IKZF2: variants seen among roughly 807,000 people sequenced by gnomAD.
IKZF2 encodes the protein zinc finger protein Helios.
In IKZF2, 15 loss-of-function variants were observed where a neutral mutation model predicts 49.2. The observed-to-expected ratio is 0.30, with a 90% CI of 0.20 to 0.47. The LOEUF is 0.47. Ranked by LOEUF, IKZF2 falls within the 20% of genes least tolerant of loss-of-function variation. The probability of loss-of-function intolerance (pLI) is 1.00; values close to 1 mark genes in which losing one functional copy is unlikely to be tolerated. For synonymous variants in IKZF2, 227 were observed against 221.4 expected (o/e 1.03, Z -0.23); for missense variants, 567 against 664.6 (o/e 0.85, Z 1.61).
chr2:213,035,440 C>T (rs1028660935), intron 6 of IKZF2, among the ~76,000 whole-genome samples: 1 of 152,114 alleles, frequency 6.6e-6, no homozygotes, highest in Non-Finnish European at 1.5e-5. Context: ...TAAACACCAA[C>T]ATAACCACAG....
intron 6 of IKZF2, among the ~76,000 whole-genome samples, chr2:213,044,807 A>G (rs765380931): frequency 3.3e-5 from 5 of 152,204 alleles, no homozygotes; most frequent in Admixed American, 6.5e-5. Context: ...GACCAACTCC[A>G]GAATCTGATT....
chr2:213,130,292 G>A (rs1295665768), intron 4 of IKZF2, among the ~76,000 whole-genome samples: 1 of 152,132 alleles, frequency 6.6e-6, no homozygotes, highest in Non-Finnish European at 1.5e-5. Context: ...TCACAGGCAG[G>A]AAAGAAGTCA....
At position 213,016,087 on chromosome 2, in the gene IKZF2, C is replaced by G. The variant is rs148567044; in HGVS notation, c.713-2153G>C. Among the ~76,000 whole-genome samples the G allele has an allele frequency of 3.2e-4, 48 of 152,134 alleles. 1 individual carries two copies. Among genetic ancestry groups the G allele is most frequent in the African/African-American group, 1.1e-3 (45 of 41,520 alleles). ...GATCTAATTTCTACTTTACAATAGC[C>G]CTTTTCATGTCAAAAATTGATCTTG... On this transcript the variant is annotated intron_variant, in intron 7 of 8. Coordinates refer to ENST00000434687, the MANE Select transcript of IKZF2 (RefSeq NM_001387220.1).
intron 4 of IKZF2, among the ~76,000 whole-genome samples, chr2:213,096,381 C>G (rs1337397593): frequency 6.6e-6 from 1 of 151,776 alleles, no homozygotes; most frequent in Non-Finnish European, 1.5e-5. Flanking sequence ...ATATTTAAAC[C>G]AGTACCTAAA....
intron 7 of IKZF2, among the ~76,000 whole-genome samples, chr2:213,020,888 T>C (rs1269675208): frequency 6.6e-6 from 1 of 152,114 alleles, no homozygotes; most frequent in African/African-American, 2.4e-5. Flanking sequence ...AACTATACCA[T>C]TTAATACTGG....
At chr2:213,144,231 T>C (rs2060969310) in intron 4 of IKZF2, among the ~76,000 whole-genome samples, 1 of 151,966 alleles carries the variant, frequency 6.6e-6, no homozygotes, top group Admixed American at 6.6e-5. Flanking sequence ...GCCATCAGAC[T>C]GATAAATAGC....
chr2:213,018,471 C>T (rs1696848962), intron 7 of IKZF2, among the ~76,000 whole-genome samples: 1 of 152,062 alleles, frequency 6.6e-6, no homozygotes, highest in East Asian at 1.9e-4. Flanking sequence ...TCTGCAGTTG[C>T]CTCTTCATCT....
intron 6 of IKZF2, among the ~76,000 whole-genome samples, chr2:213,023,275 T>G (rs1248444366): frequency 6.6e-6 from 1 of 152,188 alleles, no homozygotes; most frequent in African/African-American, 2.4e-5. Flanking sequence ...ACTGAAATAC[T>G]ATAACAAGGC....
chr2:213,105,830 C>G (rs185925893), intron 4 of IKZF2, among the ~76,000 whole-genome samples: 66 of 152,280 alleles, frequency 4.3e-4, no homozygotes, highest in Non-Finnish European at 7.8e-4. Flanking sequence ...ATGCTGTGCT[C>G]TAGCTCAATG....
intron 4 of IKZF2, among the ~76,000 whole-genome samples, chr2:213,118,296 T>C (rs1236576328): frequency 6.6e-6 from 1 of 152,220 alleles, no homozygotes; most frequent in Admixed American, 6.5e-5. Context: ...TTCTTTTCCA[T>C]GGCAGAGGTT....
intron 7 of IKZF2, 150 bp from the exon 8 acceptor site, chr2:213,014,084 A>C: frequency 1.6e-6 from 1 of 626,028 alleles, no homozygotes; most frequent in Non-Finnish European, 2.7e-6. Context: ...GTGAAAGTAT[A>C]CTCTTTAAAT....
chr2:213,123,831 A>G (rs2060134375), intron 4 of IKZF2, among the ~76,000 whole-genome samples: 1 of 152,136 alleles, frequency 6.6e-6, no homozygotes, highest in African/African-American at 2.4e-5. Flanking sequence ...TATTCTAAAT[A>G]CAAGGGCCAA....
intron 6 of IKZF2, among the ~76,000 whole-genome samples, chr2:213,044,427 C>T (rs1194952628): frequency 2.0e-5 from 3 of 152,064 alleles, no homozygotes; most frequent in South Asian, 4.1e-4. Flanking sequence ...CAGAAATGGC[C>T]CAAAGCTCCA....
chr2:213,082,982 T>G (rs1704114450), intron 4 of IKZF2, among the ~76,000 whole-genome samples: 2 of 152,248 alleles, frequency 1.3e-5, no homozygotes, highest in African/African-American at 4.8e-5. Context: ...AAAAGCATTT[T>G]ATATTTCTTT....
rs765765463 is a variant in IKZF2, at chr2:213,007,299, T to A, written c.*61A>T. The A allele has an allele frequency of 5.9e-6, 9 of 1,515,320 alleles. No homozygotes were observed. The highest frequency in any genetic ancestry group is 8.0e-6 in the Non-Finnish European group (9 of 1,121,694). The allele number at this position is 1,515,320 out of a possible 1,614,324, so 93.9% of individuals were successfully genotyped here. On this transcript the variant is annotated 3_prime_UTR_variant, in exon 9 of 9. Transcript: ENST00000434687. Reference sequence around the variant, plus strand: ...ATTTGAGGAAAGGTGGGATTGTAAGTGCAGTATTTCTTCATGTGCAGTTCT... The same window carrying A: ...ATTTGAGGAAAGGTGGGATTGTAAGAGCAGTATTTCTTCATGTGCAGTTCT...
Position 213,021,794 on chromosome 2 carries a change from T to C in IKZF2, c.712+199A>G, listed in dbSNP as rs947469392. 4 of 623,026 alleles carry C rather than the reference T, an allele frequency of 6.4e-6. No homozygotes were observed. The African/African-American group carries it at 7.4e-5, about 12-fold the overall frequency. The allele number at this position is 623,026 out of a possible 1,614,324, so 38.6% of individuals were successfully genotyped here. On this transcript the variant is annotated intron_variant, in intron 7 of 8. Coordinates refer to ENST00000434687, the MANE Select transcript of IKZF2 (RefSeq NM_001387220.1). ...TATGAAAGGTTGGTTGTCATTATTA[T>C]GCTAATTCAAACATTATCAGAAATA... is the stretch of plus-strand genomic sequence containing the variant.
intron 3 of IKZF2, among the ~76,000 whole-genome samples, chr2:213,148,362 A>G (rs2125991928): frequency 6.6e-6 from 1 of 152,348 alleles, no homozygotes; most frequent in Admixed American, 6.5e-5. Flanking sequence ...AAAGTGTTGA[A>G]CTGCTAGCTA....
chr2:213,088,672 C>T (rs371054152), intron 4 of IKZF2, among the ~76,000 whole-genome samples: 8 of 152,088 alleles, frequency 5.3e-5, no homozygotes, highest in African/African-American at 1.9e-4. Flanking sequence ...GCAGGAGAAT[C>T]GCTTGAACCC....
At chr2:213,137,659 A>T (rs2060724969) in intron 4 of IKZF2, among the ~76,000 whole-genome samples, 1 of 152,134 alleles carries the variant, frequency 6.6e-6, no homozygotes, top group Non-Finnish European at 1.5e-5. Flanking sequence ...TAATAAGCAT[A>T]TTGGCATAAG....
Sources: gnomAD v4.1 joint callset for allele counts (sites outside exome capture counted in the v4.1 genomes callset) on GRCh38, gnomAD v4.1.1 for gene constraint, MANE v1.5 for transcripts, NCBI Gene and HGNC (gene_info 2026-07-23, HGNC 2026-07-21) for gene names.